EIF4G2: variants seen among roughly 807,000 people sequenced by gnomAD.
EIF4G2 encodes the protein DAP-5.
A neutral mutation model predicts 117.7 loss-of-function variants in EIF4G2; 8 were observed. The observed-to-expected ratio is 0.07, with a 90% CI of 0.04 to 0.12. The LOEUF is 0.12. EIF4G2 is among the 10% of genes least tolerant of loss of function. The probability of loss-of-function intolerance (pLI) is 1.00; values close to 1 mark genes in which losing one functional copy is unlikely to be tolerated. For synonymous variants in EIF4G2, 413 were observed against 367.8 expected, an observed-to-expected ratio of 1.12 and a Z score of -1.41; for missense variants, 812 against 1,086.2, an observed-to-expected ratio of 0.75 and a Z score of 3.55.
chr11:10,799,032 A>G lies in EIF4G2; in HGVS notation c.2618T>C (p.Ile873Thr), dbSNP rs1847343323. The stretch of plus-strand genomic sequence containing the variant: ...GCCTTTTCCCGGAAACTCTTGGGTT[A>G]TATCTTCTTTCCAAGCCAAGAAAGC... Residue 873 changes from isoleucine to threonine, a missense_variant, in exon 21 of 22, where the codon ATA (isoleucine) becomes ACA (threonine). This residue lies in a region of EIF4G2 where 571 missense variants were observed against 642.3 expected (regional missense o/e 0.89). Coordinates refer to ENST00000339995, the MANE Select transcript of EIF4G2 (RefSeq NM_001418.4). 2 of 1,611,966 alleles carry G rather than the reference A, an allele frequency of 1.2e-6. No homozygotes were observed. Among genetic ancestry groups the G allele is most frequent in the Non-Finnish European group, 1.7e-6 (2 of 1,179,568 alleles).
intron 1 of EIF4G2, 122 bp downstream of exon 1, chr11:10,808,581 TAA>T: frequency 2.2e-6 from 2 of 923,848 alleles, no homozygotes; most frequent in Non-Finnish European, 1.4e-6. Context: ...GAGGAAATGC[TAA>T]AAAAGGGTCG....
At chr11:10,800,068 A>G in intron 18 of EIF4G2, 22 bp downstream of exon 18, 2 of 1,604,376 alleles carry the variant, frequency 1.2e-6, no homozygotes, top group Non-Finnish European at 1.7e-6. Context: ...AAAACAAAAC[A>G]AACAAGTCAG....
In EIF4G2 at chr11:10,802,276, T is replaced by C. The variant is rs1458211204; in HGVS notation, c.1138+18A>G. On this transcript the variant is annotated intron_variant, in intron 12 of 21. Transcript: ENST00000339995. ...CTGATTTTTCAGCTTAACGCAACCA[T>C]TGTTTTTTCAAAATTACCTGGCATT... 2.5e-6 allele frequency: 4 copies of C among 1,611,370 alleles called. No individual in the cohort carries two copies. The highest frequency in any genetic ancestry group is 1.7e-5 in the Admixed American group (1 of 59,554).
chr11:10,804,674 A>G, intron 5 of EIF4G2: 1 of 595,500 alleles, frequency 1.7e-6, no homozygotes, highest in Non-Finnish European at 2.9e-6. Flanking sequence ...GAAAAAGAAC[A>G]GCTTGCTAAG....
At position 10,799,756 on chromosome 11, in the gene EIF4G2, T is replaced by G; in HGVS notation, c.2120A>C (p.Glu707Ala). 6.2e-7 allele frequency: 1 copy of G among 1,611,264 alleles called. No homozygotes were observed. Among genetic ancestry groups the G allele is most frequent in the Non-Finnish European group, 8.5e-7 (1 of 1,179,338 alleles). Reference sequence around the variant, plus strand: ...CATGCGGTCCTTATTCTGATCAATTTCTGAAGAGACAAAGCCACCTGCATC... The same window carrying G: ...CATGCGGTCCTTATTCTGATCAATTGCTGAAGAGACAAAGCCACCTGCATC... The change falls in exon 19 of 22, where the codon GAA (glutamate) becomes GCA (alanine). Residue 707 changes from glutamate (E) to alanine (A), a missense_variant and splice_region_variant. By Grantham distance (107) the Glu-to-Ala change is moderately radical. This residue lies in a region of EIF4G2 where 571 missense variants were observed against 642.3 expected (regional missense o/e 0.89). Coordinates refer to ENST00000339995, the MANE Select transcript of EIF4G2 (RefSeq NM_001418.4).
intron 4 of EIF4G2, 42 bp from the exon 5 acceptor site, chr11:10,805,057 C>A (rs761356425): frequency 2.2e-5 from 32 of 1,480,956 alleles, no homozygotes; most frequent in Non-Finnish European, 2.8e-5. Context: ...AGCTAATACA[C>A]AGAATTTGAA....
Position 10,803,786 on chromosome 11 carries a change from T to C in EIF4G2, c.702+113A>G. 1 of 1,349,988 alleles carries C rather than the reference T, an allele frequency of 7.4e-7. No homozygotes were observed. Among genetic ancestry groups the C allele is most frequent in the Non-Finnish European group, 1.0e-6 (1 of 983,132 alleles). The allele number at this position is 1,349,988 out of a possible 1,614,324, so 83.6% of individuals were successfully genotyped here. ...ACGTATTTCAAATTATTCTGTTTAGTAAATTTTGTTGCACATCTGTATTTA... is the reference window on the plus strand; with the variant it reads ...ACGTATTTCAAATTATTCTGTTTAGCAAATTTTGTTGCACATCTGTATTTA... On this transcript the variant is annotated intron_variant, in intron 8 of 21. Transcript: ENST00000339995. This position sits in a 1 kb window ranked among gnomAD's most constrained non-coding sequence, Gnocchi z 4.0.
intron 3 of EIF4G2, 108 bp from the exon 4 acceptor site, chr11:10,806,155 C>A: frequency 6.9e-7 from 1 of 1,439,346 alleles, no homozygotes; most frequent in Non-Finnish European, 9.4e-7. Flanking sequence ...GACTTCCCCT[C>A]CAAGAAAGCC....
intron 11 of EIF4G2, 144 bp from the exon 12 acceptor site, chr11:10,802,579 A>C: frequency 8.3e-7 from 1 of 1,209,134 alleles, no homozygotes; most frequent in Non-Finnish European, 1.1e-6. Context: ...CAAAAATGGC[A>C]GACAAGGCTG....
chr11:10,805,218 C>T (rs1420403830), intron 4 of EIF4G2, among the ~76,000 whole-genome samples: 1 of 152,108 alleles, frequency 6.6e-6, no homozygotes, highest in African/African-American at 2.4e-5. Context: ...ACTGGGGGGT[C>T]CCCAGCTGTT....
In EIF4G2 at chr11:10,797,842, C is replaced by A; in HGVS notation, c.2698G>T (p.Glu900Ter). 6.2e-7 allele frequency: 1 copy of A among 1,613,976 alleles called. No individual in the cohort carries two copies. The highest frequency in any genetic ancestry group is 8.5e-7 in the Non-Finnish European group (1 of 1,179,976). Reference sequence around the variant, plus strand: ...TAGTCAGCTTCTTCCTCTGATTCTTCTTCTTCAGCAGTTTCTAACCAGGTT... The same window carrying A: ...TAGTCAGCTTCTTCCTCTGATTCTTATTCTTCAGCAGTTTCTAACCAGGTT... Residue 900 changes from glutamate (E) to a stop codon, truncating the protein, a stop_gained, in exon 22 of 22, where the codon GAA becomes TAA. Coordinates refer to ENST00000339995, the MANE Select transcript of EIF4G2 (RefSeq NM_001418.4). LOFTEE classifies it high-confidence loss of function. This position sits in a 1 kb window ranked among gnomAD's most constrained non-coding sequence, Gnocchi z 4.5.
intron 14 of EIF4G2, 135 bp downstream of exon 14, chr11:10,801,526 G>C (rs760555975): frequency 2.3e-6 from 2 of 866,942 alleles, no homozygotes; most frequent in Admixed American, 3.4e-5. Flanking sequence ...GAAAGAAAAA[G>C]AAGTATAGAA....
rs763598994 is a variant in EIF4G2 at position 10,800,858 on chromosome 11, CTTT to C, written c.1540-26_1540-24del. Reference sequence around the variant, plus strand: ...TGTCTAAAAAACAAGCAATGACAGACTTTTTTTAAAAAGAGGACTATGAAATTA... The same window carrying C: ...TGTCTAAAAAACAAGCAATGACAGACTTTTAAAAAGAGGACTATGAAATTA... On this transcript the variant is annotated intron_variant, in intron 15 of 21. Coordinates refer to ENST00000339995, the MANE Select transcript of EIF4G2 (RefSeq NM_001418.4). The C allele has an allele frequency of 4.3e-6, 7 of 1,612,086 alleles. No homozygotes were observed. In the Admixed American group the frequency reaches 1.2e-4, roughly 27 times the overall value.
Position 10,802,053 on chromosome 11 carries a change from C to T in EIF4G2, c.1295G>A (p.Ser432Asn), listed in dbSNP as rs1318287678. The T allele has an allele frequency of 3.5e-6, 1 of 286,700 alleles. No individual in the cohort carries two copies. The highest frequency in any genetic ancestry group is 1.5e-4 in the Admixed American group (1 of 6,752). 17.8% of individuals were successfully genotyped at this position (286,700 alleles called of 1,614,324 possible). The change falls in exon 13 of 22, where the codon AGC becomes AAC. Residue 432 changes from serine to asparagine, a missense_variant. By Grantham distance (46) the Ser-to-Asn change is conservative. This residue lies in a region of EIF4G2 where 571 missense variants were observed against 642.3 expected (regional missense o/e 0.89). Transcript: ENST00000339995. The stretch of plus-strand genomic sequence containing the variant: ...GCACACTCAAATATTACTTACCTGG[C>T]TTTTCATAAACTTGCCTCCCATCTC...
intron 14 of EIF4G2, chr11:10,801,428 T>C (rs746349077): frequency 3.0e-6 from 2 of 671,778 alleles, no homozygotes; most frequent in South Asian, 3.3e-5. Flanking sequence ...CACAATATTT[T>C]GACAACCAGT....
chr11:10,799,474 A>G (rs771913566), intron 19 of EIF4G2, 50 bp from the exon 20 acceptor site: 6 of 1,610,132 alleles, frequency 3.7e-6, no homozygotes, highest in South Asian at 1.1e-5. Context: ...TTTCTTGCTC[A>G]AGAGACAACT....
intron 18 of EIF4G2, 120 bp from the exon 19 acceptor site, chr11:10,799,876 G>A: frequency 2.3e-6 from 3 of 1,281,142 alleles, no homozygotes; most frequent in South Asian, 3.0e-5. Context: ...GCAGAATAGA[G>A]AACCAACCCA....
intron 2 of EIF4G2, 108 bp downstream of exon 2, chr11:10,807,147 C>G: frequency 6.8e-7 from 1 of 1,473,954 alleles, no homozygotes; most frequent in Non-Finnish European, 9.1e-7. Context: ...AACTTAAGAA[C>G]TTTTCAAATG....
chr11:10,799,129 A>AG lies in EIF4G2; in HGVS notation c.2537-17_2537-16insC, dbSNP rs773310145. 35 of 1,576,862 alleles carry AG rather than the reference A, an allele frequency of 2.2e-5. No individual in the cohort carries two copies. The highest frequency in any genetic ancestry group is 2.5e-5 in the Non-Finnish European group (29 of 1,170,164). The stretch of plus-strand genomic sequence containing the variant: ...AGTAACATGCCTTAAAAAAAAAAAA[A>AG]AAAAGAAAAAAGTAATAAGCCCATT... On this transcript the variant is annotated splice_polypyrimidine_tract_variant and intron_variant, in intron 20 of 21. Transcript: ENST00000339995.
Sources: allele counts gnomAD v4.1 joint callset (sites outside exome capture counted in the v4.1 genomes callset), GRCh38; gene constraint gnomAD v4.1.1; regional missense constraint gnomAD v4.1.1; non-coding constraint Gnocchi (gnomAD v3.1); transcripts MANE v1.5; gene names NCBI Gene and HGNC (gene_info 2026-07-23, HGNC 2026-07-21).